The following COA1 variants were observed in gnomAD, a reference collection of about 807,000 sequenced individuals.
The protein encoded by COA1 is cytochrome c oxidase assembly factor 1 homolog.
A neutral mutation model predicts 16.0 loss-of-function variants in COA1; 13 were observed. The ratio of observed to expected loss-of-function variants is 0.81; its 90% CI spans 0.53 to 1.29. COA1 has a LOEUF of 1.29. Ranked by LOEUF, COA1 falls within the 50% of genes most tolerant of loss-of-function variation. The pLI, the probability that COA1 is intolerant of heterozygous loss-of-function variation, is 0.00. For synonymous variants in COA1, 65 were observed against 65.7 expected, an observed-to-expected ratio of 0.99 and a Z score of 0.05; for missense variants, 179 against 177.0, an observed-to-expected ratio of 1.01 and a Z score of -0.06.
At chr7:43,684,001 T>C (rs2093896830) in intron 1 of COA1, among the ~76,000 whole-genome samples, 1 of 152,104 alleles carries the variant, frequency 6.6e-6, no homozygotes. Context: ...CCGGAATCAT[T>C]TGAGGAAATC....
intron 6 of COA1, chr7:43,631,166 C>T (rs1203888861): frequency 2.0e-5 from 3 of 152,012 alleles, no homozygotes; most frequent in South Asian, 2.1e-4. Context: ...TTCTATCAAC[C>T]GAGAATGTTT....
intron 6 of COA1, among the ~76,000 whole-genome samples, chr7:43,612,979 G>C (rs1583619186): frequency 1.3e-5 from 2 of 152,136 alleles, no homozygotes; most frequent in South Asian, 4.1e-4. Flanking sequence ...GGCAAAGTCA[G>C]AACAAAACCA....
intron 1 of COA1, among the ~76,000 whole-genome samples, chr7:43,720,162 C>T (rs142630959): frequency 1.2e-3 from 179 of 152,020 alleles, no homozygotes; most frequent in African/African-American, 4.2e-3. Flanking sequence ...ACCTGTAATC[C>T]CAGCTACTCG....
At chr7:43,679,064 A>C (rs1411143688) in intron 1 of COA1, among the ~76,000 whole-genome samples, 1 of 152,160 alleles carries the variant, frequency 6.6e-6, no homozygotes, top group Non-Finnish European at 1.5e-5. Context: ...TGATTACTTG[A>C]GGTCAGGAGG....
At chr7:43,674,857 G>C (rs1198549985) in intron 1 of COA1, among the ~76,000 whole-genome samples, 1 of 152,150 alleles carries the variant, frequency 6.6e-6, no homozygotes, top group Non-Finnish European at 1.5e-5. Context: ...GCTGAACCAT[G>C]GCACAGGTAT....
chr7:43,710,588 C>T (rs1330718036), intron 1 of COA1, among the ~76,000 whole-genome samples: 1 of 151,616 alleles, frequency 6.6e-6, no homozygotes, highest in Non-Finnish European at 1.5e-5. Context: ...AGGATGTTTA[C>T]AGAAGGAAAA....
chr7:43,662,397 AT>A (rs1219468641), intron 1 of COA1, among the ~76,000 whole-genome samples: 1 of 151,940 alleles, frequency 6.6e-6, no homozygotes. Context: ...GCCCAGCTAA[AT>A]TTTTTTGTAT....
At chr7:43,727,976 T>C (rs894682154) in intron 1 of COA1, among the ~76,000 whole-genome samples, 2 of 136,686 alleles carry the variant, frequency 1.5e-5, no homozygotes, top group Non-Finnish European at 3.2e-5. Context: ...AGGTTTTCTT[T>C]CTTTTTTTTT....
chr7:43,727,549 A>G lies in COA1; in HGVS notation c.-39+1880T>C, dbSNP rs1465019258. Among the ~76,000 whole-genome samples the G allele has an allele frequency of 7.9e-5, 12 of 152,386 alleles. No individual in the cohort carries two copies. In the East Asian group the frequency reaches 2.3e-3, roughly 29 times the overall value. Reference sequence around the variant, plus strand: ...CAGCAATAAAAAAAAGTACTGACACATGCTATTAAATACAACACAGATGAA... The same window carrying G: ...CAGCAATAAAAAAAAGTACTGACACGTGCTATTAAATACAACACAGATGAA... On this transcript the variant is annotated intron_variant, in intron 1 of 5. Transcript: ENST00000223336.
chr7:43,653,439 A>G (rs981247387), intron 1 of COA1, among the ~76,000 whole-genome samples: 2 of 152,224 alleles, frequency 1.3e-5, no homozygotes, highest in Admixed American at 1.3e-4. Flanking sequence ...CAAAATGATA[A>G]AAGCATGTGA....
chr7:43,638,745 T>A (rs1179277778), downstream of COA1: 1 of 152,006 alleles, frequency 6.6e-6, no homozygotes, highest in South Asian at 2.1e-4. Flanking sequence ...CTGGCTAATT[T>A]TTTGTATTTT....
intron 1 of COA1, among the ~76,000 whole-genome samples, chr7:43,726,164 A>G (rs1212483730): frequency 6.6e-6 from 1 of 152,184 alleles, no homozygotes; most frequent in Non-Finnish European, 1.5e-5. Context: ...AACTTCTTGG[A>G]GTCTGTTTAA....
intron 1 of COA1, among the ~76,000 whole-genome samples, chr7:43,691,362 AGGGAGGG>A (rs2094323522): frequency 6.0e-5 from 4 of 66,122 alleles, no homozygotes; most frequent in African/African-American, 1.4e-4. Flanking sequence ...GGAGGGAGGG[AGGGAGGG>A]AGGGAGGGAG....
intron 1 of COA1, among the ~76,000 whole-genome samples, chr7:43,668,933 G>T (rs1023343549): frequency 2.0e-5 from 3 of 152,120 alleles, no homozygotes; most frequent in African/African-American, 7.2e-5. Flanking sequence ...CTGAAATATT[G>T]GACAGAGAAC....
intron 1 of COA1, among the ~76,000 whole-genome samples, chr7:43,699,806 A>G (rs1013186589): frequency 2.6e-5 from 4 of 152,182 alleles, no homozygotes; most frequent in African/African-American, 9.6e-5. Context: ...AGAGAAATTA[A>G]GCAGGAGGTG....
intron 6 of COA1, among the ~76,000 whole-genome samples, chr7:43,613,907 G>A (rs1304386043): frequency 2.0e-5 from 3 of 151,988 alleles, no homozygotes; most frequent in Non-Finnish European, 2.9e-5. Context: ...CCAGAAGCTG[G>A]GACTTTCCAT....
chr7:43,634,116 AATCTT>A lies in COA1; in HGVS notation c.*133+5328_*133+5332del, dbSNP rs567036683. Among the ~76,000 whole-genome samples, 413 of 151,996 alleles carry A rather than the reference AATCTT, an allele frequency of 2.7e-3. 2 individuals are homozygous for A. Among genetic ancestry groups the A allele is most frequent in the Non-Finnish European group, 5.0e-3 (337 of 67,962 alleles). ...CAAGCATGTTCATGATTGCTCACTG[AATCTT>A]TTTTTTAAATGATGGCTGCTTCAAA... On this transcript the variant is annotated intron_variant and NMD_transcript_variant, in intron 6 of 6. Transcript: ENST00000415076.
intron 1 of COA1, among the ~76,000 whole-genome samples, chr7:43,718,488 A>C (rs2095440332): frequency 6.6e-6 from 1 of 152,214 alleles, no homozygotes; most frequent in Admixed American, 6.5e-5. Flanking sequence ...CCCAATTTGG[A>C]ATTACCAGTA....
At chr7:43,680,997 A>G (rs1314729719) in intron 1 of COA1, among the ~76,000 whole-genome samples, 1 of 152,144 alleles carries the variant, frequency 6.6e-6, no homozygotes, top group Non-Finnish European at 1.5e-5. Context: ...TTTCAGCTCA[A>G]GAAAGTTTCC....
Sources: allele counts gnomAD v4.1 joint callset (sites outside exome capture counted in the v4.1 genomes callset), GRCh38; gene constraint gnomAD v4.1.1; transcripts MANE v1.5; gene names NCBI Gene and HGNC (gene_info 2026-07-23, HGNC 2026-07-21).